Variants in ROBO2 observed in about 807,000 individuals in gnomAD.
ROBO2 encodes the protein roundabout homolog 2.
Under a neutral mutation model 160.8 loss-of-function variants are expected in ROBO2, and 53 were observed. The observed-to-expected ratio is 0.33, with a 90% CI of 0.26 to 0.41. ROBO2 has a LOEUF of 0.41. Ranked by LOEUF, ROBO2 falls within the 10% of genes least tolerant of loss-of-function variation. The pLI is 1.00. For missense variants in ROBO2, 1,577 were observed against 1,722.4 expected (o/e 0.92, Z 1.49); for synonymous variants, 664 against 611.7 (o/e 1.09, Z -1.26).
intron 2 of ROBO2, among the ~76,000 whole-genome samples, chr3:77,199,392 C>T (rs75904609): frequency 1.3e-5 from 2 of 152,154 alleles, no homozygotes; most frequent in African/African-American, 4.8e-5. Context: ...GGAGCAGACA[C>T]AGTCAGCCAC....
At chr3:76,220,655 A>G (rs1703905290) in intron 2 of ROBO2, among the ~76,000 whole-genome samples, 3 of 152,202 alleles carry the variant, frequency 2.0e-5, no homozygotes, top group African/African-American at 7.2e-5. Context: ...ATGCACTAAG[A>G]CATTCTTTGA....
In ROBO2 at chr3:77,018,277, G is replaced by A. The variant is rs183177189; in HGVS notation, c.110-79737G>A. ...TTTTGTATTTTTTGGTAGAGATGGG[G>A]TTTCACTATGTTGGCCAGACTATTC... On this transcript the variant is annotated intron_variant, in intron 2 of 26. Coordinates refer to the ROBO2 transcript ENST00000487694. Among the ~76,000 whole-genome samples, 26 of 152,090 alleles carry A rather than the reference G, an allele frequency of 1.7e-4. No homozygotes were observed. The East Asian group carries it at 5.1e-3, about 30-fold the overall frequency.
intron 2 of ROBO2, among the ~76,000 whole-genome samples, chr3:76,096,283 A>G (rs1475818374): frequency 6.6e-6 from 1 of 152,198 alleles, no homozygotes; most frequent in Non-Finnish European, 1.5e-5. Context: ...CTTTGAGATA[A>G]TAAACTAGCC....
intron 2 of ROBO2, among the ~76,000 whole-genome samples, chr3:76,882,434 C>G (rs1464671690): frequency 6.6e-6 from 1 of 152,072 alleles, no homozygotes; most frequent in Non-Finnish European, 1.5e-5. Flanking sequence ...AATGTCATCA[C>G]TCCTCTTTCA....
At chr3:76,730,231 T>C (rs2093615791) in intron 2 of ROBO2, among the ~76,000 whole-genome samples, 1 of 121,488 alleles carries the variant, frequency 8.2e-6, no homozygotes, top group African/African-American at 3.4e-5. Context: ...TACCCACCTC[T>C]CCTCACCTCC....
chr3:76,028,070 A>T (rs1308110655), intron 2 of ROBO2, among the ~76,000 whole-genome samples: 1 of 152,000 alleles, frequency 6.6e-6, no homozygotes, highest in East Asian at 1.9e-4. Context: ...AAAGGAAGTT[A>T]GCTTTTAGAT....
intron 2 of ROBO2, among the ~76,000 whole-genome samples, chr3:77,213,123 G>A (rs1423221602): frequency 1.3e-5 from 2 of 152,008 alleles, no homozygotes; most frequent in South Asian, 2.1e-4. Flanking sequence ...CTCTTTTTCT[G>A]TTGATTGGAA....
At chr3:76,772,271 G>C (rs1290416217) in intron 2 of ROBO2, among the ~76,000 whole-genome samples, 1 of 150,964 alleles carries the variant, frequency 6.6e-6, no homozygotes, top group Non-Finnish European at 1.5e-5. Flanking sequence ...TGGTATCTAG[G>C]AGGAACTTTG....
intron 2 of ROBO2, among the ~76,000 whole-genome samples, chr3:76,462,167 A>T (rs1289152152): frequency 6.6e-6 from 1 of 152,212 alleles, no homozygotes; most frequent in Non-Finnish European, 1.5e-5. Context: ...AAAGACTATT[A>T]GGAGAAATAA....
intron 2 of ROBO2, among the ~76,000 whole-genome samples, chr3:76,560,459 G>A (rs1172689294): frequency 6.6e-6 from 1 of 151,692 alleles, no homozygotes; most frequent in African/African-American, 2.4e-5. Context: ...GCATTAAATG[G>A]GATGTAAGCA....
At position 75,969,007 on chromosome 3, in the gene ROBO2, A is replaced by G. The variant is rs1466191838; in HGVS notation, c.109+31405A>G. Among the ~76,000 whole-genome samples the G allele has an allele frequency of 2.6e-5, 4 of 151,282 alleles. 1 individual carries two copies. Among genetic ancestry groups the G allele is most frequent in the Admixed American group, 2.0e-4 (3 of 15,100 alleles). Reference sequence around the variant, plus strand: ...TACTTGGCTTGTTTTTAGATAGCACATACAAGCGAGATCATGAAGTATTTT... The same window carrying G: ...TACTTGGCTTGTTTTTAGATAGCACGTACAAGCGAGATCATGAAGTATTTT... On this transcript the variant is annotated intron_variant, in intron 2 of 26. Transcript: ENST00000487694.
chr3:76,364,595 G>A (rs1297894602), intron 2 of ROBO2, among the ~76,000 whole-genome samples: 2 of 151,796 alleles, frequency 1.3e-5, no homozygotes, highest in South Asian at 4.2e-4. Flanking sequence ...AATATACCTG[G>A]ACTAGTATTA....
In ROBO2 at chr3:77,262,721, C is replaced by G. The variant is rs114245319; in HGVS notation, c.388+164381C>G. ...AAATCCCTGAAAGCTACTGGAAAGT[C>G]ATACATATGTTAAATTTGGTCATTT... is the stretch of plus-strand genomic sequence containing the variant. On this transcript the variant is annotated intron_variant, in intron 2 of 25. Transcript: ENST00000461745. Among the ~76,000 whole-genome samples, 1,510 of 152,240 alleles carry G rather than the reference C, an allele frequency of 9.9e-3. 21 individuals carry two copies. Among genetic ancestry groups the G allele is most frequent in the African/African-American group, 0.033 (1,362 of 41,548 alleles).
chr3:77,516,013 G>T (rs898940225), intron 5 of ROBO2, among the ~76,000 whole-genome samples: 1 of 151,280 alleles, frequency 6.6e-6, no homozygotes, highest in Non-Finnish European at 1.5e-5. Context: ...TTATCATAGA[G>T]GTACTTTATT....
In ROBO2 at chr3:76,634,442, C is replaced by T. The variant is rs111770477; in HGVS notation, c.110-463572C>T. Among the ~76,000 whole-genome samples, 217 of 152,134 alleles carry T rather than the reference C, an allele frequency of 1.4e-3. 2 individuals carry two copies. The highest frequency in any genetic ancestry group is 4.9e-3 in the African/African-American group (204 of 41,492). On this transcript the variant is annotated intron_variant, in intron 2 of 26. Transcript: ENST00000487694. ...AATTAGCCAGGTGTGGTGGCGTGTACCTGTAATCCCAGCTACTCAGGAGGC... is the reference window on the plus strand; with the variant it reads ...AATTAGCCAGGTGTGGTGGCGTGTATCTGTAATCCCAGCTACTCAGGAGGC...
At chr3:76,022,228 G>A (rs1375651813) in intron 2 of ROBO2, among the ~76,000 whole-genome samples, 16 of 151,692 alleles carry the variant, frequency 1.1e-4, no homozygotes, top group Non-Finnish European at 2.2e-4. Context: ...CACCACATCT[G>A]CATTTACTTC....
At chr3:77,373,654 G>T (rs1463223294) in intron 2 of ROBO2, among the ~76,000 whole-genome samples, 1 of 151,962 alleles carries the variant, frequency 6.6e-6, no homozygotes, top group Non-Finnish European at 1.5e-5. Context: ...GGTGAAAAGG[G>T]GAACTGAGCA....
At chr3:77,316,986 G>A in intron 2 of ROBO2, 3 of 1,510,714 alleles carry the variant, frequency 2.0e-6, no homozygotes, top group Non-Finnish European at 1.8e-6. Context: ...AGACGAGATT[G>A]ACAGCGGTCT....
chr3:77,483,407 A>AT (rs2084942099), intron 4 of ROBO2, among the ~76,000 whole-genome samples: 1 of 152,032 alleles, frequency 6.6e-6, no homozygotes, highest in African/African-American at 2.4e-5. Context: ...GGTCTTCTTT[A>AT]TTTTATGCTG....
Sources: allele counts gnomAD v4.1 joint callset (sites outside exome capture counted in the v4.1 genomes callset), GRCh38; gene constraint gnomAD v4.1.1; transcripts MANE v1.5; gene names NCBI Gene and HGNC (gene_info 2026-07-23, HGNC 2026-07-21).